CSNK1G2: variants seen among roughly 807,000 people sequenced by gnomAD.
CSNK1G2 encodes the protein casein kinase 1 gamma 2.
A neutral mutation model predicts 48.0 loss-of-function variants in CSNK1G2; 11 were observed. That is an observed-to-expected ratio of 0.23 (90% CI 0.14 to 0.38). The LOEUF is 0.38. Ranked by LOEUF, CSNK1G2 falls within the 10% of genes least tolerant of loss-of-function variation. The pLI is 1.00. For missense variants in CSNK1G2, 446 were observed against 595.5 expected (o/e 0.75, Z 2.61); for synonymous variants, 337 against 254.1 (o/e 1.33, Z -3.10).
At chr19:1,976,165 C>T in intron 2 of CSNK1G2, 4 of 1,171,900 alleles carry the variant, frequency 3.4e-6, no homozygotes, top group Non-Finnish European at 4.5e-6. Context: ...GGGCACGGCT[C>T]CTGTTGTTTT....
intron 1 of CSNK1G2, chr19:1,968,674 A>T (rs1193065598): frequency 6.6e-6 from 1 of 152,484 alleles, no homozygotes; most frequent in Non-Finnish European, 1.5e-5. Context: ...CCTTCTCAGG[A>T]CCAGAGGCTT....
intron 2 of CSNK1G2, chr19:1,974,781 C>G (rs1911740153): frequency 6.6e-6 from 1 of 152,226 alleles, no homozygotes; most frequent in Non-Finnish European, 1.5e-5. Context: ...CTTTTGGGTT[C>G]TCAGCTGAAG....
chr19:1,978,558 A>C lies in CSNK1G2; in HGVS notation c.299-44A>C, dbSNP rs1380756800. On this transcript the variant is annotated intron_variant, in intron 4 of 11. Coordinates refer to ENST00000255641, the MANE Select transcript of CSNK1G2 (RefSeq NM_001319.7). The surrounding 1 kb of genome is among the most constrained non-coding windows in gnomAD (Gnocchi z 7.3). ...GGGCGGGGGCTGCGCAGGGGCAGGGAGGGGGCTGCCGCCGCACGCCCGTGC... is the reference window on the plus strand; with the variant it reads ...GGGCGGGGGCTGCGCAGGGGCAGGGCGGGGGCTGCCGCCGCACGCCCGTGC... 1.1e-5 allele frequency: 17 copies of C among 1,569,884 alleles called. No homozygotes were observed. In the Admixed American group the frequency reaches 2.6e-4, roughly 24 times the overall value.
At chr19:1,963,800 G>A (rs1052375723) in intron 1 of CSNK1G2, among the ~76,000 whole-genome samples, 6 of 145,110 alleles carry the variant, frequency 4.1e-5, no homozygotes, top group African/African-American at 1.3e-4. Context: ...GAACCACTGC[G>A]CCCAGCCTCT....
chr19:1,979,544 G>T lies in CSNK1G2; in HGVS notation c.903G>T (p.Glu301Asp), dbSNP rs1379092788. ...ATGTGCGGCGCCTGGACTTCTTCGA[G>T]AAGCCCGACTATGACTACCTGCGGA... is the stretch of plus-strand genomic sequence containing the variant. ...LRYVRRLDFF[E>D]KPDYDYLRKL... Residue 301 changes from glutamate to aspartate, a missense_variant, in exon 9 of 12, where the codon GAG (glutamate) becomes GAT (aspartate). Glu to Asp is a conservative substitution (Grantham distance 45). This residue lies in a region of CSNK1G2 where 188 missense variants were observed against 179.6 expected (regional missense o/e 1.05). Transcript: ENST00000255641. 2 of 1,608,606 alleles carry T rather than the reference G, an allele frequency of 1.2e-6. No individual in the cohort carries two copies. The highest frequency in any genetic ancestry group is 2.7e-5 in the African/African-American group (2 of 74,620).
intron 2 of CSNK1G2, among the ~76,000 whole-genome samples, chr19:1,972,475 C>T (rs1327745174): frequency 1.3e-5 from 2 of 152,196 alleles, no homozygotes; most frequent in Admixed American, 6.5e-5. Flanking sequence ...ATTGACTATG[C>T]TCTCCTTAGA....
chr19:1,949,455 G>A (rs572348055), intron 1 of CSNK1G2, among the ~76,000 whole-genome samples: 5 of 152,356 alleles, frequency 3.3e-5, no homozygotes, highest in African/African-American at 7.2e-5. Context: ...CGGTGCATCC[G>A]CGCCATGGCC....
chr19:1,978,894 A>T lies in CSNK1G2; in HGVS notation c.483A>T (p.Leu161=), dbSNP rs777165253. The T allele has an allele frequency of 6.2e-7, 1 of 1,603,126 alleles. No individual in the cohort carries two copies. Among genetic ancestry groups the T allele is most frequent in the Non-Finnish European group, 8.5e-7 (1 of 1,179,532 alleles). Residue 161 remains leucine (L), a synonymous_variant, in exon 6 of 12, where the codon CTA becomes CTT. Transcript: ENST00000255641. The surrounding 1 kb of genome is among the most constrained non-coding windows in gnomAD (Gnocchi z 7.3). The part of the protein sequence containing the change: ...TRMEYVHTKS[L]IYRDVKPENF... Reference sequence around the variant, plus strand: ...TGGAGTATGTGCACACCAAGAGCCTAATCTACCGGGACGTGAAGCCCGAGA... The same window carrying T: ...TGGAGTATGTGCACACCAAGAGCCTTATCTACCGGGACGTGAAGCCCGAGA...
In CSNK1G2 at chr19:1,947,394, T is replaced by G. The variant is rs1012268649; in HGVS notation, c.-266+5976T>G. ...GACCTCTGCCCCTTCCCATCTGACC[T>G]CTGTCCCCAGGAAAGATGGCAGGCG... On this transcript the variant is annotated intron_variant, in intron 1 of 11. Transcript: ENST00000255641. Among the ~76,000 whole-genome samples the G allele has an allele frequency of 2.0e-5, 3 of 152,192 alleles. No homozygotes were observed. In the South Asian group the frequency reaches 6.2e-4, roughly 31 times the overall value.
Position 1,980,571 on chromosome 19 carries a change from C to T in CSNK1G2, c.*368C>T. 3.4e-6 allele frequency: 1 copy of T among 297,186 alleles called. No homozygotes were observed. The highest frequency in any genetic ancestry group is 6.4e-6 in the Non-Finnish European group (1 of 155,604). 18.4% of individuals were successfully genotyped at this position (297,186 alleles called of 1,614,324 possible). ...CTGGAGGCCCCCCGGCCTGGCCCCG[C>T]CCCGCCAGCCGCCCCCGTTAGCGTC... On this transcript the variant is annotated 3_prime_UTR_variant, in exon 12 of 12. Coordinates refer to ENST00000255641, the MANE Select transcript of CSNK1G2 (RefSeq NM_001319.7).
At chr19:1,943,684 G>A (rs1240074372) in intron 1 of CSNK1G2, among the ~76,000 whole-genome samples, 1 of 152,132 alleles carries the variant, frequency 6.6e-6, no homozygotes, top group Non-Finnish European at 1.5e-5. Flanking sequence ...AGACTCTAGC[G>A]CCCCAGCAGA....
At chr19:1,944,311 G>A (rs544313124) in intron 1 of CSNK1G2, among the ~76,000 whole-genome samples, 49 of 152,250 alleles carry the variant, frequency 3.2e-4, no homozygotes, top group Middle Eastern at 6.8e-3. Context: ...GCAGTCTGGA[G>A]GCTCCCTAGG....
chr19:1,953,256 C>T (rs1216443360), intron 1 of CSNK1G2: 2 of 392,832 alleles, frequency 5.1e-6, no homozygotes, highest in Admixed American at 3.2e-5. Flanking sequence ...GGACCCCTGC[C>T]CCCCTGGCAA....
At chr19:1,953,154 C>T (rs1599290581) in intron 1 of CSNK1G2, 5 of 368,268 alleles carry the variant, frequency 1.4e-5, no homozygotes, top group South Asian at 1.0e-4. Flanking sequence ...CCACTCGCCC[C>T]CGGGACCTGC....
At chr19:1,962,082 C>T (rs550143651) in intron 1 of CSNK1G2, among the ~76,000 whole-genome samples, 1 of 152,334 alleles carries the variant, frequency 6.6e-6, no homozygotes, top group Admixed American at 6.5e-5. Context: ...GTAATCCCAA[C>T]ACTTTGGGAG....
At chr19:1,942,862 C>T (rs1448995239) in intron 1 of CSNK1G2, among the ~76,000 whole-genome samples, 1 of 152,186 alleles carries the variant, frequency 6.6e-6, no homozygotes, top group African/African-American at 2.4e-5. Flanking sequence ...CCCTGTGTCT[C>T]CACCAAAACG....
chr19:1,971,416 C>T (rs968498982), intron 2 of CSNK1G2, among the ~76,000 whole-genome samples: 1 of 152,262 alleles, frequency 6.6e-6, no homozygotes, highest in East Asian at 1.9e-4. Context: ...CGTTTCTCAG[C>T]CAAGAGACTG....
At chr19:1,962,629 C>CT (rs2015234967) in intron 1 of CSNK1G2, among the ~76,000 whole-genome samples, 3 of 152,176 alleles carry the variant, frequency 2.0e-5, no homozygotes, top group African/African-American at 7.2e-5. Flanking sequence ...TACCATTGTG[C>CT]TCCAGCCTGG....
At chr19:1,977,269 G>A (rs975524910) in intron 2 of CSNK1G2, among the ~76,000 whole-genome samples, 4 of 152,192 alleles carry the variant, frequency 2.6e-5, no homozygotes, top group Non-Finnish European at 4.4e-5. Flanking sequence ...CCCAGCTGCC[G>A]TGGGGAGCCC....
Sources: gnomAD v4.1 joint callset for allele counts (sites outside exome capture counted in the v4.1 genomes callset) on GRCh38, gnomAD v4.1.1 for gene constraint, gnomAD v4.1.1 regional missense constraint, Gnocchi (gnomAD v3.1) non-coding constraint, MANE v1.5 for transcripts, NCBI Gene and HGNC (gene_info 2026-07-23, HGNC 2026-07-21) for gene names.